The following COLEC10 variants were observed in gnomAD, a reference collection of about 807,000 sequenced individuals.
COLEC10 encodes the protein collectin-10.
In COLEC10, 22 loss-of-function variants were observed where a neutral mutation model predicts 28.4. That is an observed-to-expected ratio of 0.78 (90% CI 0.55 to 1.11). The LOEUF (loss-of-function observed/expected upper bound fraction) is 1.11. COLEC10 is among the 50% of genes least tolerant of loss of function. The pLI is 0.00. For synonymous variants in COLEC10, 125 were observed against 116.1 expected, an observed-to-expected ratio of 1.08 and a Z score of -0.49; for missense variants, 361 against 344.1, an observed-to-expected ratio of 1.05 and a Z score of -0.39.
intron 2 of COLEC10, among the ~76,000 whole-genome samples, chr8:119,058,971 G>A (rs1185353616): frequency 1.3e-5 from 2 of 151,954 alleles, no homozygotes; most frequent in African/African-American, 4.8e-5. Context: ...CCTATATATA[G>A]TGATATCTCA....
intron 1 of COLEC10, among the ~76,000 whole-genome samples, chr8:119,075,651 T>A (rs980731859): frequency 3.3e-5 from 5 of 152,116 alleles, no homozygotes; most frequent in African/African-American, 9.7e-5. Flanking sequence ...CTATTTAGGC[T>A]CAACTGACAC....
Position 119,100,753 on chromosome 8 carries a change from C to T in COLEC10, c.293-1595C>T, listed in dbSNP as rs541945245. On this transcript the variant is annotated intron_variant, in intron 3 of 5. Coordinates refer to ENST00000332843, the MANE Select transcript of COLEC10 (RefSeq NM_006438.5). ...AATGTCTCTCTCACAACATGTATCACGTTCCATTGGTATAGATTTCACCGT... is the reference window on the plus strand; with the variant it reads ...AATGTCTCTCTCACAACATGTATCATGTTCCATTGGTATAGATTTCACCGT... Among the ~76,000 whole-genome samples, 27 of 152,306 alleles carry T rather than the reference C, an allele frequency of 1.8e-4. No individual in the cohort carries two copies. In the South Asian group the frequency reaches 5.6e-3, roughly 32 times the overall value.
rs1028285236 is a variant in COLEC10, at chr8:119,107,956, G to T, written c.*1765G>T. Among the ~76,000 whole-genome samples, 7 of 152,114 alleles carry T rather than the reference G, an allele frequency of 4.6e-5. No individual in the cohort carries two copies. The highest frequency in any genetic ancestry group is 8.8e-5 in the Non-Finnish European group (6 of 68,004). ...GGTCAAAAGTCTTCTAGCTAAAGTT[G>T]TGATCATTTCATTTCTTACTTCTGG... On this transcript the variant is annotated 3_prime_UTR_variant, in exon 6 of 6. Coordinates refer to ENST00000332843, the MANE Select transcript of COLEC10 (RefSeq NM_006438.5).
At chr8:119,001,369 A>G (rs528540894) in intron 1 of COLEC10, among the ~76,000 whole-genome samples, 1 of 152,274 alleles carries the variant, frequency 6.6e-6, no homozygotes, top group Admixed American at 6.5e-5. Context: ...AAATCCCAAT[A>G]GTGACATTAT....
chr8:119,014,961 C>T (rs1324061172), intron 2 of COLEC10, among the ~76,000 whole-genome samples: 1 of 151,038 alleles, frequency 6.6e-6, no homozygotes, highest in East Asian at 1.9e-4. Flanking sequence ...TTGCACAACT[C>T]TTCCTGTATG....
chr8:119,034,369 AACAAACC>A (rs1175585510), intron 2 of COLEC10, among the ~76,000 whole-genome samples: 4 of 151,788 alleles, frequency 2.6e-5, no homozygotes, highest in Non-Finnish European at 4.4e-5. Context: ...ATACCTACGT[AACAAACC>A]TGCACATTCT....
At chr8:119,033,898 C>T (rs1814338443) in intron 2 of COLEC10, among the ~76,000 whole-genome samples, 1 of 152,110 alleles carries the variant, frequency 6.6e-6, no homozygotes, top group South Asian at 2.1e-4. Context: ...TGGATATATA[C>T]CCAAAGGTTT....
At chr8:119,013,298 A>G (rs745742130) in intron 2 of COLEC10, among the ~76,000 whole-genome samples, 1 of 150,428 alleles carries the variant, frequency 6.6e-6, no homozygotes, top group Non-Finnish European at 1.5e-5. Flanking sequence ...ATTGATTTCT[A>G]GTTTCATTCC....
chr8:119,011,453 A>C (rs1465068125), intron 2 of COLEC10, among the ~76,000 whole-genome samples: 1 of 144,582 alleles, frequency 6.9e-6, no homozygotes, highest in Non-Finnish European at 1.5e-5. Context: ...TGTGTTGACT[A>C]TACTTGGTCA....
chr8:119,003,679 A>G (rs1813739545), intron 1 of COLEC10, among the ~76,000 whole-genome samples: 1 of 152,074 alleles, frequency 6.6e-6, no homozygotes, highest in African/African-American at 2.4e-5. Context: ...CAAGCTTCAT[A>G]GTAAGAGAGA....
chr8:119,106,670 AT>A lies in COLEC10; in HGVS notation c.*480del. On this transcript the variant is annotated 3_prime_UTR_variant, in exon 6 of 6. Transcript: ENST00000332843. ...AGATCTTTGAATCCAAGATGCCCAG[AT>A]CTTTTACCAGTCACACCCTATGGCC... 6.3e-6 allele frequency: 1 copy of A among 158,130 alleles called. No individual in the cohort carries two copies. The highest frequency in any genetic ancestry group is 1.9e-4 in the South Asian group (1 of 5,368). The allele number at this position is 158,130 out of a possible 1,614,324, so 9.8% of individuals were successfully genotyped here.
At chr8:119,101,582 G>T (rs1289825969) in intron 3 of COLEC10, among the ~76,000 whole-genome samples, 3 of 152,112 alleles carry the variant, frequency 2.0e-5, no homozygotes, top group South Asian at 4.1e-4. Context: ...AAGTACCAAG[G>T]TTGCTATTTC....
rs771801441 is a variant in COLEC10, at chr8:119,106,216, A to G, written c.*25A>G. The G allele has an allele frequency of 1.3e-6, 2 of 1,572,678 alleles. No individual in the cohort carries two copies. Among genetic ancestry groups the G allele is most frequent in the East Asian group, 2.3e-5 (1 of 44,226 alleles). ...ACTTCCCTCATCCTACGTATTTGCT[A>G]TTTTCCTGTGACCGTCATTACAGTT... On this transcript the variant is annotated 3_prime_UTR_variant, in exon 6 of 6. Coordinates refer to ENST00000332843, the MANE Select transcript of COLEC10 (RefSeq NM_006438.5).
the COLEC10 span, among the ~76,000 whole-genome samples, chr8:118,953,960 A>G: frequency 6.6e-6 from 1 of 152,218 alleles, no homozygotes; most frequent in Non-Finnish European, 1.5e-5. Flanking sequence ...AATTAGATAA[A>G]AGATGTAAAA....
intron 2 of COLEC10, among the ~76,000 whole-genome samples, chr8:119,033,204 T>C (rs1245679655): frequency 6.6e-6 from 1 of 151,952 alleles, no homozygotes; most frequent in Non-Finnish European, 1.5e-5. Flanking sequence ...TGCTGGCTGA[T>C]TTCAGCCACA....
intron 1 of COLEC10, among the ~76,000 whole-genome samples, chr8:119,000,749 G>A (rs1340578839): frequency 6.6e-6 from 1 of 152,162 alleles, no homozygotes; most frequent in Non-Finnish European, 1.5e-5. Flanking sequence ...CCAGTTATTA[G>A]GGAGAACAAG....
the COLEC10 span, among the ~76,000 whole-genome samples, chr8:118,985,446 C>T: frequency 1.2e-4 from 19 of 152,044 alleles, no homozygotes; most frequent in South Asian, 1.2e-3. Flanking sequence ...GAGAAAAAAG[C>T]GGCTTCTGAG....
chr8:118,964,493 C>A, the COLEC10 span, among the ~76,000 whole-genome samples: 2 of 152,138 alleles, frequency 1.3e-5, no homozygotes, highest in African/African-American at 2.4e-5. Context: ...TGTCAATGAG[C>A]TTTAATATTT....
At chr8:119,020,683 T>C (rs1245691141) in intron 2 of COLEC10, among the ~76,000 whole-genome samples, 1 of 152,148 alleles carries the variant, frequency 6.6e-6, no homozygotes, top group Non-Finnish European at 1.5e-5. Flanking sequence ...CAAATATCAG[T>C]GTGACAGTAA....
Sources: gnomAD v4.1 joint callset for allele counts (sites outside exome capture counted in the v4.1 genomes callset) on GRCh38, gnomAD v4.1.1 for gene constraint, MANE v1.5 for transcripts, NCBI Gene and HGNC (gene_info 2026-07-23, HGNC 2026-07-21) for gene names.